Variants in TMEM232 observed in about 807,000 individuals in gnomAD.
TMEM232 encodes the protein transmembrane protein 232.
TMEM232 carries 80 observed loss-of-function variants against 78.8 expected under a neutral mutation model. That is an observed-to-expected ratio of 1.01 (90% CI 0.85 to 1.22). The LOEUF (loss-of-function observed/expected upper bound fraction) is 1.22. TMEM232 is among the 50% of genes most tolerant of loss of function. The pLI is 0.00. For missense variants in TMEM232, 881 were observed against 742.2 expected, an observed-to-expected ratio of 1.19 and a Z score of -2.17; for synonymous variants, 297 against 254.3, an observed-to-expected ratio of 1.17 and a Z score of -1.60.
intron 12 of TMEM232, among the ~76,000 whole-genome samples, chr5:110,432,960 A>G (rs922339921): frequency 2.0e-5 from 3 of 151,810 alleles, no homozygotes; most frequent in African/African-American, 7.2e-5. Context: ...TATGCACTCA[A>G]TATTGGAGCA....
chr5:110,549,878 CT>C (rs767311009), intron 11 of TMEM232, among the ~76,000 whole-genome samples: 3 of 152,174 alleles, frequency 2.0e-5, no homozygotes, highest in East Asian at 3.9e-4. Context: ...AATAGCTTCA[CT>C]TGTGAATTCT....
chr5:110,446,716 T>C (rs975817431), intron 12 of TMEM232, among the ~76,000 whole-genome samples: 1 of 152,298 alleles, frequency 6.6e-6, no homozygotes, highest in Admixed American at 6.5e-5. Context: ...CAGGCTGGCT[T>C]ACTTCCATAA....
At chr5:110,691,933 T>C (rs1321992430) in intron 1 of TMEM232, among the ~76,000 whole-genome samples, 2 of 152,196 alleles carry the variant, frequency 1.3e-5, no homozygotes, top group Non-Finnish European at 2.9e-5. Context: ...TGTTTTTTGT[T>C]TTTTTGGGAC....
intron 11 of TMEM232, among the ~76,000 whole-genome samples, chr5:110,540,096 A>C (rs537762366): frequency 6.6e-6 from 1 of 152,296 alleles, no homozygotes; most frequent in East Asian, 1.9e-4. Context: ...ATAGGCTCTC[A>C]CCCAGCTTCC....
At chr5:110,584,781 C>T (rs1293865107) in intron 10 of TMEM232, among the ~76,000 whole-genome samples, 3 of 151,992 alleles carry the variant, frequency 2.0e-5, no homozygotes, top group Admixed American at 6.6e-5. Flanking sequence ...ATTCTTACTA[C>T]TGTAACAAAG....
At chr5:110,706,528 C>T (rs931420628) in intron 1 of TMEM232, among the ~76,000 whole-genome samples, 1 of 152,142 alleles carries the variant, frequency 6.6e-6, no homozygotes, top group South Asian at 2.1e-4. Flanking sequence ...AACCCGAGGA[C>T]ACAGAATGCG....
intron 1 of TMEM232, among the ~76,000 whole-genome samples, chr5:110,685,201 G>C (rs987399234): frequency 6.6e-6 from 1 of 152,024 alleles, no homozygotes; most frequent in Admixed American, 6.6e-5. Context: ...AAAAACTTAT[G>C]ATGTGCAAGA....
At chr5:110,460,703 G>A (rs969303602) in intron 12 of TMEM232, among the ~76,000 whole-genome samples, 13 of 149,890 alleles carry the variant, frequency 8.7e-5, no homozygotes, top group African/African-American at 3.0e-4. Context: ...AAGTTTTGTG[G>A]CAACTTTATA....
chr5:110,738,951 G>A, upstream of TMEM232: 1 of 1,439,216 alleles, frequency 6.9e-7, no homozygotes, highest in Non-Finnish European at 9.1e-7. Flanking sequence ...TGCCGGAAGA[G>A]GCTATAATCA....
chr5:110,456,359 A>G (rs938262974), intron 12 of TMEM232, among the ~76,000 whole-genome samples: 3 of 152,234 alleles, frequency 2.0e-5, no homozygotes, highest in East Asian at 1.9e-4. Context: ...TGAAGAATCT[A>G]TATGCAACAA....
chr5:110,448,074 AAAT>A (rs2112805543), intron 12 of TMEM232, among the ~76,000 whole-genome samples: 1 of 152,160 alleles, frequency 6.6e-6, no homozygotes, highest in South Asian at 2.1e-4. Flanking sequence ...ACTAAAGAAA[AAAT>A]AAACTATAAG....
At chr5:110,559,135 G>C (rs1258746540) in intron 11 of TMEM232, among the ~76,000 whole-genome samples, 1 of 151,786 alleles carries the variant, frequency 6.6e-6, no homozygotes, top group African/African-American at 2.4e-5. Flanking sequence ...TGGGTCAATT[G>C]GATAATCACA....
intron 11 of TMEM232, among the ~76,000 whole-genome samples, chr5:110,546,091 G>A (rs888608852): frequency 6.6e-6 from 1 of 151,964 alleles, no homozygotes; most frequent in African/African-American, 2.4e-5. Flanking sequence ...ATTCACAATT[G>A]TTTTTCATTT....
chr5:110,405,610 T>G (rs1467485150), intron 2 of TMEM232, among the ~76,000 whole-genome samples: 5 of 151,406 alleles, frequency 3.3e-5, no homozygotes, highest in African/African-American at 9.7e-5. Flanking sequence ...ATTCTAAAAG[T>G]TAAAATTATA....
At chr5:110,580,441 C>T (rs974388830) in intron 10 of TMEM232, among the ~76,000 whole-genome samples, 10 of 151,622 alleles carry the variant, frequency 6.6e-5, no homozygotes, top group African/African-American at 2.2e-4. Flanking sequence ...ATTTAGTAGG[C>T]TATACCATCT....
At chr5:110,500,992 G>C (rs1303828069) in intron 12 of TMEM232, among the ~76,000 whole-genome samples, 1 of 152,118 alleles carries the variant, frequency 6.6e-6, no homozygotes, top group Non-Finnish European at 1.5e-5. Context: ...AAATGATGTG[G>C]TTTGTTTGCA....
rs1305394649 is a variant in TMEM232 at position 110,512,677 on chromosome 5, T to TTTA, written c.1703+15908_1703+15910dup. Among the ~76,000 whole-genome samples the TTTA allele has an allele frequency of 2.4e-4, 36 of 152,196 alleles. 1 individual carries two copies. Among genetic ancestry groups the TTTA allele is most frequent in the Admixed American group, 2.4e-3 (36 of 15,272 alleles). On this transcript the variant is annotated intron_variant, in intron 12 of 13. Coordinates refer to ENST00000455884, the MANE Select transcript of TMEM232 (RefSeq NM_001039763.4). ...ATTCTAATTAAGCAGTTAATGCATG[T>TTTA]TTATTAACTACTGTAAAAATATTTC...
At chr5:110,466,769 C>G (rs191816153) in intron 12 of TMEM232, among the ~76,000 whole-genome samples, 1 of 151,910 alleles carries the variant, frequency 6.6e-6, no homozygotes, top group Admixed American at 6.6e-5. Context: ...CCCACCACCA[C>G]GCCCGGCTAA....
At chr5:110,609,074 T>G (rs1781857137) in intron 8 of TMEM232, among the ~76,000 whole-genome samples, 1 of 152,094 alleles carries the variant, frequency 6.6e-6, no homozygotes, top group Admixed American at 6.6e-5. Context: ...TTAAAAGTTT[T>G]CCTAGGTTCT....
Sources: allele counts gnomAD v4.1 joint callset (sites outside exome capture counted in the v4.1 genomes callset), GRCh38; gene constraint gnomAD v4.1.1; transcripts MANE v1.5; gene names NCBI Gene and HGNC (gene_info 2026-07-23, HGNC 2026-07-21).